The following DNM1 variants were observed in gnomAD, a reference collection of about 807,000 sequenced individuals.
DNM1 encodes the protein dynamin 1, also known as dynamin-1.
A neutral mutation model predicts 104.6 loss-of-function variants in DNM1; 29 were observed. That is an observed-to-expected ratio of 0.28 (90% CI 0.21 to 0.38). The LOEUF is 0.38. DNM1 is among the 10% of genes least tolerant of loss of function. The probability of loss-of-function intolerance (pLI) is 1.00; values close to 1 mark genes in which losing one functional copy is unlikely to be tolerated. For synonymous variants in DNM1, 445 were observed against 475.8 expected, an observed-to-expected ratio of 0.94 and a Z score of 0.84; for missense variants, 640 against 1,189.4, an observed-to-expected ratio of 0.54 and a Z score of 6.79.
At chr9:128,238,156 TGA>T (rs1346346710) in intron 11 of DNM1, among the ~76,000 whole-genome samples, 1 of 152,138 alleles carries the variant, frequency 6.6e-6, no homozygotes, top group African/African-American at 2.4e-5. Context: ...CAACAATATA[TGA>T]GAGAGCTCAT....
At chr9:128,230,216 CA>C (rs574620137) in intron 10 of DNM1, among the ~76,000 whole-genome samples, 129 of 76,684 alleles carry the variant, frequency 1.7e-3, no homozygotes, top group African/African-American at 2.8e-3. Context: ...GACTCCGTCT[CA>C]AAAAAAAAAA....
intron 19 of DNM1, among the ~76,000 whole-genome samples, chr9:128,249,428 G>A (rs1829372828): frequency 6.6e-6 from 1 of 151,984 alleles, no homozygotes; most frequent in Admixed American, 6.6e-5. Context: ...AGGCCGAGGT[G>A]CGCAGATCAC....
At chr9:128,223,380 A>T (rs1289575933) in intron 9 of DNM1, 2 of 156,568 alleles carry the variant, frequency 1.3e-5, no homozygotes, top group African/African-American at 4.8e-5. Context: ...TCTGTTCCTT[A>T]AAAGCTTAGA....
chr9:128,221,925 TA>T (rs1337448159), intron 6 of DNM1, among the ~76,000 whole-genome samples: 2 of 152,014 alleles, frequency 1.3e-5, no homozygotes, highest in African/African-American at 4.8e-5. Flanking sequence ...TAAATAAAAA[TA>T]AAAAGATTAA....
chr9:128,234,119 A>C lies in DNM1; in HGVS notation c.1422+12A>C. The C allele has an allele frequency of 6.5e-7, 1 of 1,528,384 alleles. No individual in the cohort carries two copies. The highest frequency in any genetic ancestry group is 8.8e-7 in the Non-Finnish European group (1 of 1,133,916). The allele number at this position is 1,528,384 out of a possible 1,614,324, so 94.7% of individuals were successfully genotyped here. A position where few individuals can be genotyped will look rare whatever the true frequency, so the allele number is the denominator to read the frequency against. On this transcript the variant is annotated intron_variant, in intron 11 of 21. Coordinates refer to ENST00000372923, the MANE Select transcript of DNM1 (RefSeq NM_004408.4). Reference sequence around the variant, plus strand: ...GCACTAAGGAGCAGGTGAGCCCCGCAGCACCCGGCCTGGCCGCGCCTTCCT... The same window carrying C: ...GCACTAAGGAGCAGGTGAGCCCCGCCGCACCCGGCCTGGCCGCGCCTTCCT...
rs1554773802 is a variant in DNM1, at chr9:128,220,743, G to GCGCGCGCT, written c.849+402_849+403insCGCGCGCT. On this transcript the variant is annotated intron_variant, in intron 6 of 21. Transcript: ENST00000372923. This position sits in a 1 kb window ranked among gnomAD's most constrained non-coding sequence, Gnocchi z 5.2. ...AGAACTGAAGTGCGCGCGCGCGCGC[G>GCGCGCGCT]TGTGTGTGTGTGTGTGTGTGTGTGT... 1.5e-5 allele frequency among the ~76,000 whole-genome samples: 1 copy of GCGCGCGCT among 68,104 alleles called. No individual in the cohort carries two copies. The highest frequency in any genetic ancestry group is 3.5e-5 in the Non-Finnish European group (1 of 28,970). The allele number at this position is 68,104 out of a possible 152,430, so 44.7% of individuals were successfully genotyped here. A position where few individuals can be genotyped will look rare whatever the true frequency, so the allele number is the denominator to read the frequency against.
At position 128,240,445 on chromosome 9, in the gene DNM1, C is replaced by G. The variant is rs1836293554; in HGVS notation, c.1557+449C>G. On this transcript the variant is annotated intron_variant, in intron 14 of 21. Transcript: ENST00000372923. The surrounding 1 kb of genome is among the most constrained non-coding windows in gnomAD (Gnocchi z 5.1). ...TCCTTAGATGTCTGCGGAAACATCC[C>G]TCGTCAGAAGCGCTTGCTCAGTTGT... The G allele has an allele frequency of 5.7e-6, 1 of 176,180 alleles. No individual in the cohort carries two copies. Among genetic ancestry groups the G allele is most frequent in the Non-Finnish European group, 1.2e-5 (1 of 83,828 alleles). 10.9% of individuals were successfully genotyped at this position (176,180 alleles called of 1,614,324 possible).
chr9:128,238,991 C>G (rs1700880439), intron 11 of DNM1, among the ~76,000 whole-genome samples: 1 of 151,056 alleles, frequency 6.6e-6, no homozygotes, highest in South Asian at 2.1e-4. Context: ...ATCCTCTCCT[C>G]TCCTCTCCTC....
rs1467624965 is a variant in DNM1 at position 128,255,038 on chromosome 9, C to T, written c.*324C>T. 9.0e-6 allele frequency: 2 copies of T among 221,772 alleles called. No homozygotes were observed. Among genetic ancestry groups the T allele is most frequent in the Non-Finnish European group, 1.8e-5 (2 of 113,594 alleles). 13.7% of individuals were successfully genotyped at this position (221,772 alleles called of 1,614,324 possible). A position where few individuals can be genotyped will look rare whatever the true frequency, so the allele number is the denominator to read the frequency against. On this transcript the variant is annotated 3_prime_UTR_variant, in exon 22 of 22. Transcript: ENST00000372923. Reference sequence around the variant, plus strand: ...GTCTTGTGGCCCAACTACCAGAGAACGCTGTCCCCCGACATCCCACTCCAA... The same window carrying T: ...GTCTTGTGGCCCAACTACCAGAGAATGCTGTCCCCCGACATCCCACTCCAA...
At chr9:128,223,363 G>T (rs1226640026) in intron 9 of DNM1, 1 of 157,976 alleles carries the variant, frequency 6.3e-6, no homozygotes, top group Non-Finnish European at 1.4e-5. Flanking sequence ...AGGATTGGGA[G>T]GTGGAATCTG....
At chr9:128,250,381 C>G (rs1829437118) in intron 20 of DNM1, 25 bp downstream of exon 20, 1 of 1,545,518 alleles carries the variant, frequency 6.5e-7, no homozygotes, top group Non-Finnish European at 8.7e-7. Flanking sequence ...CCCCACGGCC[C>G]CAAAGCCCCC....
At chr9:128,207,144 G>A (rs1257630911) in intron 1 of DNM1, among the ~76,000 whole-genome samples, 1 of 152,098 alleles carries the variant, frequency 6.6e-6, no homozygotes, top group Non-Finnish European at 1.5e-5. Context: ...GTCGGGAAGA[G>A]TAAGGAGGAG....
Position 128,218,913 on chromosome 9 carries a change from T to A in DNM1, c.386-136T>A. 1 of 1,293,316 alleles carries A rather than the reference T, an allele frequency of 7.7e-7. No individual in the cohort carries two copies. Among genetic ancestry groups the A allele is most frequent in the South Asian group, 1.4e-5 (1 of 71,374 alleles). The allele number at this position is 1,293,316 out of a possible 1,614,324, so 80.1% of individuals were successfully genotyped here. A position where few individuals can be genotyped will look rare whatever the true frequency, so the allele number is the denominator to read the frequency against. The stretch of plus-strand genomic sequence containing the variant: ...GGCCACGCCTCCAACAGACTGCCAC[T>A]TTCGCCCTGAGATTTCCTAGTCCCA... On this transcript the variant is annotated intron_variant, in intron 3 of 21. Transcript: ENST00000372923. The surrounding 1 kb of genome is among the most constrained non-coding windows in gnomAD (Gnocchi z 4.8).
At chr9:128,239,404 G>T (rs1240193678) in intron 11 of DNM1, 41 bp from the exon 12 acceptor site, 3 of 1,533,658 alleles carry the variant, frequency 2.0e-6, no homozygotes, top group Non-Finnish European at 2.7e-6. Context: ...AAACTTTGTG[G>T]TGTCTTTTGC....
chr9:128,237,243 G>A (rs12379094), intron 11 of DNM1, among the ~76,000 whole-genome samples: 12 of 149,708 alleles, frequency 8.0e-5, no homozygotes, highest in East Asian at 7.9e-4. Context: ...TTCCCAGGCC[G>A]GAACCTGGAC....
At chr9:128,209,220 C>T (rs765613131) in intron 1 of DNM1, among the ~76,000 whole-genome samples, 1 of 152,198 alleles carries the variant, frequency 6.6e-6, no homozygotes, top group East Asian at 1.9e-4. Flanking sequence ...GAAATGCACC[C>T]ATCCACAGCC....
intron 10 of DNM1, among the ~76,000 whole-genome samples, chr9:128,230,821 G>A: frequency 6.8e-6 from 1 of 148,068 alleles, no homozygotes; most frequent in East Asian, 2.0e-4. Context: ...TCTTTTTTTT[G>A]AGACAAAGTC....
At chr9:128,208,091 C>G (rs1203861680) in intron 1 of DNM1, among the ~76,000 whole-genome samples, 1 of 150,708 alleles carries the variant, frequency 6.6e-6, no homozygotes, top group African/African-American at 2.4e-5. Context: ...TGGAGTCTCA[C>G]TCTGTCACCC....
Position 128,248,072 on chromosome 9 carries a change from T to C in DNM1, c.1905+137T>C. 1 of 1,193,434 alleles carries C rather than the reference T, an allele frequency of 8.4e-7. No individual in the cohort carries two copies. The highest frequency in any genetic ancestry group is 1.2e-6 in the Non-Finnish European group (1 of 806,056). The allele number at this position is 1,193,434 out of a possible 1,614,324, so 73.9% of individuals were successfully genotyped here. A position where few individuals can be genotyped will look rare whatever the true frequency, so the allele number is the denominator to read the frequency against. On this transcript the variant is annotated intron_variant, in intron 18 of 21. Coordinates refer to ENST00000372923, the MANE Select transcript of DNM1 (RefSeq NM_004408.4). The surrounding 1 kb of genome is among the most constrained non-coding windows in gnomAD (Gnocchi z 5.6). ...GGCCAGGCGCAGTGGCTCACACCTG[T>C]AAACCCAACACTTTGGGAGGCCGAG...
Sources: allele counts gnomAD v4.1 joint callset (sites outside exome capture counted in the v4.1 genomes callset), GRCh38; gene constraint gnomAD v4.1.1; non-coding constraint Gnocchi (gnomAD v3.1); transcripts MANE v1.5; gene names NCBI Gene and HGNC (gene_info 2026-07-23, HGNC 2026-07-21).